PTPRD: variants seen among roughly 807,000 people sequenced by gnomAD.
PTPRD encodes the protein receptor-type tyrosine-protein phosphatase delta.
In PTPRD, 34 loss-of-function variants were observed where a neutral mutation model predicts 214.5. The ratio of observed to expected loss-of-function variants is 0.16; its 90% CI spans 0.12 to 0.21. The LOEUF (loss-of-function observed/expected upper bound fraction) is 0.21, where lower values mean the gene tolerates loss of function less well. PTPRD is among the 10% of genes least tolerant of loss of function. The pLI is 1.00. For missense variants in PTPRD, 2,545 were observed against 2,398.7 expected, an observed-to-expected ratio of 1.06 and a Z score of -1.27; for synonymous variants, 1,128 against 845.7, an observed-to-expected ratio of 1.33 and a Z score of -5.79.
At chr9:10,101,243 G>A (rs1373522015) in intron 3 of PTPRD, among the ~76,000 whole-genome samples, 1 of 151,566 alleles carries the variant, frequency 6.6e-6, no homozygotes, top group Non-Finnish European at 1.5e-5. Flanking sequence ...GATTTACTAT[G>A]GGACTCGCTG....
intron 11 of PTPRD, among the ~76,000 whole-genome samples, chr9:8,968,976 G>C (rs902930913): frequency 6.6e-6 from 1 of 152,002 alleles, no homozygotes; most frequent in Non-Finnish European, 1.5e-5. Context: ...AAACTGACAA[G>C]AGATTTATAA....
intron 4 of PTPRD, among the ~76,000 whole-genome samples, chr9:10,028,261 A>G (rs1178860927): frequency 6.6e-6 from 1 of 152,186 alleles, no homozygotes; most frequent in Non-Finnish European, 1.5e-5. Flanking sequence ...TGGAACTGTA[A>G]GTCTATTAAA....
chr9:9,065,939 T>A (rs1042181455), intron 10 of PTPRD, among the ~76,000 whole-genome samples: 1 of 152,170 alleles, frequency 6.6e-6, no homozygotes, highest in African/African-American at 2.4e-5. Flanking sequence ...GTAAAAATTA[T>A]ACAAGAATAT....
chr9:10,511,852 CTG>C (rs201439443), intron 2 of PTPRD, among the ~76,000 whole-genome samples: 28,119 of 106,872 alleles, frequency 0.26, 3,604 homozygotes, highest in Admixed American at 0.42. Flanking sequence ...ATATACATAT[CTG>C]TGTGTGTGTG....
chr9:8,447,498 G>C (rs924164006), intron 34 of PTPRD, among the ~76,000 whole-genome samples: 2 of 152,116 alleles, frequency 1.3e-5, no homozygotes, highest in Admixed American at 6.5e-5. Flanking sequence ...TAGAATTCTT[G>C]AGTTTGGCCA....
At chr9:8,444,326 T>C (rs2095647702) in intron 34 of PTPRD, among the ~76,000 whole-genome samples, 1 of 152,182 alleles carries the variant, frequency 6.6e-6, no homozygotes. Flanking sequence ...CATTTTTATA[T>C]AGTTAAATGT....
At chr9:9,506,183 T>G (rs1304883603) in intron 8 of PTPRD, among the ~76,000 whole-genome samples, 3 of 151,524 alleles carry the variant, frequency 2.0e-5, no homozygotes, top group Non-Finnish European at 4.4e-5. Context: ...TAAAGATTTT[T>G]AAATTCACGC....
intron 2 of PTPRD, among the ~76,000 whole-genome samples, chr9:10,349,462 A>G (rs1353058923): frequency 2.0e-5 from 3 of 152,178 alleles, no homozygotes; most frequent in African/African-American, 7.2e-5. Flanking sequence ...ACCTAAATAA[A>G]CAAGTTACTA....
At chr9:9,473,762 G>C (rs995209058) in intron 8 of PTPRD, among the ~76,000 whole-genome samples, 3 of 150,028 alleles carry the variant, frequency 2.0e-5, no homozygotes, top group African/African-American at 4.9e-5. Flanking sequence ...TGTTGGTCAT[G>C]TGTATGGGTT....
chr9:10,002,949 T>A (rs887291595), intron 4 of PTPRD, among the ~76,000 whole-genome samples: 2 of 151,712 alleles, frequency 1.3e-5, no homozygotes, highest in Non-Finnish European at 3.0e-5. Flanking sequence ...AGCCTCAACA[T>A]ATTTAAAATA....
At chr9:8,548,676 ATTTTTTTTTTTTTTTTTTTTT>A (rs71317369) in intron 14 of PTPRD, among the ~76,000 whole-genome samples, 4 of 41,080 alleles carry the variant, frequency 9.7e-5, no homozygotes, top group Non-Finnish European at 1.8e-4. Flanking sequence ...CTGGAGCTGG[ATTTTTTTTTTTTTTTTTTTTT>A]TTTTTTTTTT....
intron 7 of PTPRD, among the ~76,000 whole-genome samples, chr9:9,616,740 T>C (rs570189724): frequency 4.6e-5 from 7 of 152,280 alleles, no homozygotes; most frequent in African/African-American, 1.7e-4. Flanking sequence ...TTGTTTAGCA[T>C]ATGATCAGGA....
At chr9:9,500,044 A>C (rs1403442067) in intron 8 of PTPRD, among the ~76,000 whole-genome samples, 1 of 152,120 alleles carries the variant, frequency 6.6e-6, no homozygotes, top group East Asian at 1.9e-4. Flanking sequence ...TTTAGGAGTA[A>C]TTTGCAGAAG....
At chr9:10,563,292 A>C (rs1179012204) in intron 2 of PTPRD, among the ~76,000 whole-genome samples, 1 of 152,188 alleles carries the variant, frequency 6.6e-6, no homozygotes, top group Non-Finnish European at 1.5e-5. Flanking sequence ...AGTTAAAGTT[A>C]TGAAGGTGTA....
intron 8 of PTPRD, among the ~76,000 whole-genome samples, chr9:9,432,260 A>G (rs1288275090): frequency 6.6e-6 from 1 of 152,064 alleles, no homozygotes; most frequent in Non-Finnish European, 1.5e-5. Context: ...TTCCAGAATC[A>G]GACACTGGCT....
chr9:10,078,514 TAAAAAAAAAA>T (rs71485315), intron 3 of PTPRD, among the ~76,000 whole-genome samples: 1 of 78,762 alleles, frequency 1.3e-5, no homozygotes, highest in African/African-American at 5.0e-5. Context: ...AGACTCCATC[TAAAAAAAAAA>T]AAAAAAAAAA....
intron 2 of PTPRD, among the ~76,000 whole-genome samples, chr9:10,611,158 G>T (rs942437099): frequency 1.6e-4 from 25 of 152,162 alleles, no homozygotes; most frequent in African/African-American, 5.8e-4. Flanking sequence ...TACTGAGAAA[G>T]AAATTAACAG....
intron 9 of PTPRD, among the ~76,000 whole-genome samples, chr9:9,377,499 T>C (rs971275582): frequency 1.3e-5 from 2 of 152,166 alleles, no homozygotes; most frequent in African/African-American, 2.4e-5. Context: ...ATCTCATCCA[T>C]ATATACAACT....
intron 9 of PTPRD, among the ~76,000 whole-genome samples, chr9:9,272,841 G>A (rs4302899): frequency 0.18 from 26,712 of 151,076 alleles, 2,571 homozygotes; most frequent in East Asian, 0.36. Flanking sequence ...ATATTCTGTG[G>A]TGATGCAGTG....
Sources: allele counts gnomAD v4.1 joint callset (sites outside exome capture counted in the v4.1 genomes callset), GRCh38; gene constraint gnomAD v4.1.1; transcripts MANE v1.5; gene names NCBI Gene and HGNC (gene_info 2026-07-23, HGNC 2026-07-21).